Variants in CLPB observed in about 807,000 individuals in gnomAD.
CLPB encodes the protein mitochondrial disaggregase.
A neutral mutation model predicts 78.4 loss-of-function variants in CLPB; 40 were observed. That is an observed-to-expected ratio of 0.51 (90% CI 0.40 to 0.66). The LOEUF (loss-of-function observed/expected upper bound fraction) is 0.66, where lower values mean the gene tolerates loss of function less well. Among genes scored for constraint, CLPB ranks in the 30% least tolerant of loss-of-function variants. The pLI is 0.00. For missense variants in CLPB, 780 were observed against 886.9 expected (o/e 0.88, Z 1.53); for synonymous variants, 333 against 348.0 (o/e 0.96, Z 0.48).
At chr11:72,379,691 T>A (rs1226487431) in intron 4 of CLPB, among the ~76,000 whole-genome samples, 1 of 151,994 alleles carries the variant, frequency 6.6e-6, no homozygotes, top group East Asian at 1.9e-4. Context: ...AGGATAGACA[T>A]CAAAACACAG....
chr11:72,392,218 T>C (rs1590886859), intron 3 of CLPB, among the ~76,000 whole-genome samples: 2 of 151,922 alleles, frequency 1.3e-5, no homozygotes, highest in Admixed American at 6.6e-5. Flanking sequence ...ATCTGAAGCA[T>C]AGGATCACTG....
chr11:72,425,236 T>A (rs1856338059), intron 2 of CLPB, among the ~76,000 whole-genome samples: 1 of 152,256 alleles, frequency 6.6e-6, no homozygotes, highest in African/African-American at 2.4e-5. Flanking sequence ...TACAGTTGCA[T>A]AATTAGTTAT....
intron 3 of CLPB, among the ~76,000 whole-genome samples, chr11:72,381,553 C>G (rs559156721): frequency 1.3e-5 from 2 of 152,298 alleles, no homozygotes; most frequent in Non-Finnish European, 2.9e-5. Flanking sequence ...TCTCCAGGCC[C>G]ATCCTAGCGC....
At chr11:72,346,023 A>C (rs772778140) in intron 5 of CLPB, among the ~76,000 whole-genome samples, 41 of 147,150 alleles carry the variant, frequency 2.8e-4, no homozygotes, top group Non-Finnish European at 4.7e-4. Context: ...CTAAGGAAGA[A>C]GGACATATTA....
In CLPB at chr11:72,289,047, C is replaced by T. The variant is rs1031227239; in HGVS notation, c.*4320G>A. ...CTGAGACTACAGGCGCCCGCCACCA[C>T]GCCTGGCTAATTTTTGTATTTTTAG... On this transcript the variant is annotated 3_prime_UTR_variant, in exon 16 of 16. Transcript: ENST00000538039. The T allele has an allele frequency of 1.1e-4, 16 of 152,148 alleles. No homozygotes were observed. Among genetic ancestry groups the T allele is most frequent in the African/African-American group, 2.7e-4 (11 of 41,406 alleles). 9.4% of individuals were successfully genotyped at this position (152,148 alleles called of 1,614,324 possible).
At chr11:72,389,288 C>A (rs1408584684) in intron 3 of CLPB, among the ~76,000 whole-genome samples, 1 of 152,212 alleles carries the variant, frequency 6.6e-6, no homozygotes, top group African/African-American at 2.4e-5. Context: ...ATACAGAACA[C>A]AGAGTGAGCA....
chr11:72,300,567 C>T (rs1949637394), intron 11 of CLPB, among the ~76,000 whole-genome samples: 1 of 152,116 alleles, frequency 6.6e-6, no homozygotes, highest in Non-Finnish European at 1.5e-5. Context: ...ACGGAACGGG[C>T]AGGGGCAAGG....
chr11:72,372,854 A>G, intron 4 of CLPB: 1 of 1,342,032 alleles, frequency 7.5e-7, no homozygotes, highest in Non-Finnish European at 1.1e-6. Context: ...AGTAAAAGAG[A>G]TAGTCAGATG....
chr11:72,385,292 T>G (rs1215494297), intron 3 of CLPB, among the ~76,000 whole-genome samples: 2 of 152,228 alleles, frequency 1.3e-5, no homozygotes, highest in African/African-American at 4.8e-5. Flanking sequence ...CCCTTCTTCC[T>G]GCTATTTATG....
chr11:72,429,348 T>A (rs1856478003), intron 2 of CLPB, among the ~76,000 whole-genome samples: 1 of 152,106 alleles, frequency 6.6e-6, no homozygotes, highest in African/African-American at 2.4e-5. Flanking sequence ...ATGCTGCAGA[T>A]AAAATGAAAG....
At chr11:72,343,965 C>A (rs988465192) in intron 5 of CLPB, among the ~76,000 whole-genome samples, 11 of 152,152 alleles carry the variant, frequency 7.2e-5, no homozygotes, top group Non-Finnish European at 1.3e-4. Context: ...CTGAGCTGTG[C>A]TCCTTCCATT....
intron 3 of CLPB, among the ~76,000 whole-genome samples, chr11:72,395,996 C>T (rs1422389276): frequency 6.6e-6 from 1 of 152,126 alleles, no homozygotes; most frequent in Non-Finnish European, 1.5e-5. Context: ...CTTAGGCTAT[C>T]GGTTTTTTAA....
At chr11:72,315,543 C>T (rs1280098888) in intron 7 of CLPB, among the ~76,000 whole-genome samples, 3 of 152,338 alleles carry the variant, frequency 2.0e-5, no homozygotes, top group East Asian at 1.9e-4. Flanking sequence ...GGTAACTGTG[C>T]GCCAGCCTTG....
intron 4 of CLPB, among the ~76,000 whole-genome samples, chr11:72,375,425 G>T (rs1449905766): frequency 6.6e-6 from 1 of 152,098 alleles, no homozygotes; most frequent in African/African-American, 2.4e-5. Flanking sequence ...GCAGCAGATG[G>T]TTCCACCTGC....
Position 72,290,809 on chromosome 11 carries a change from T to C in CLPB, c.*2558A>G, listed in dbSNP as rs1257636670. On this transcript the variant is annotated 3_prime_UTR_variant, in exon 16 of 16. Coordinates refer to ENST00000538039, the MANE Select transcript of CLPB (RefSeq NM_001258392.3). ...AAATACAAAAATTAGCTGGGTGTGG[T>C]GGTGGGCACCTGCAATCCCAGCTAC... The C allele has an allele frequency of 1.3e-5, 2 of 152,086 alleles. No homozygotes were observed. The highest frequency in any genetic ancestry group is 2.9e-5 in the Non-Finnish European group (2 of 68,036). The allele number at this position is 152,086 out of a possible 1,614,324, so 9.4% of individuals were successfully genotyped here. A position where few individuals can be genotyped will look rare whatever the true frequency, so the allele number is the denominator to read the frequency against.
At chr11:72,345,538 A>G (rs1950496970) in intron 5 of CLPB, among the ~76,000 whole-genome samples, 1 of 152,268 alleles carries the variant, frequency 6.6e-6, no homozygotes. Context: ...CTAATTATTT[A>G]CAAGGGGTCA....
intron 2 of CLPB, among the ~76,000 whole-genome samples, chr11:72,421,854 A>G (rs1342165710): frequency 1.3e-5 from 2 of 152,172 alleles, no homozygotes; most frequent in African/African-American, 4.8e-5. Context: ...TACCCCAGAA[A>G]AGAAGCCAGG....
chr11:72,388,066 C>A (rs907308885), intron 3 of CLPB, among the ~76,000 whole-genome samples: 3 of 151,992 alleles, frequency 2.0e-5, no homozygotes, highest in African/African-American at 7.3e-5. Context: ...CGTATGTTGC[C>A]CTTGGTCCCA....
intron 4 of CLPB, among the ~76,000 whole-genome samples, chr11:72,376,287 A>C (rs575046112): frequency 6.6e-6 from 1 of 152,334 alleles, no homozygotes; most frequent in South Asian, 2.1e-4. Flanking sequence ...TGCCTTGCAT[A>C]CAATTGGCAG....
Sources: gnomAD v4.1 joint callset for allele counts (sites outside exome capture counted in the v4.1 genomes callset) on GRCh38, gnomAD v4.1.1 for gene constraint, MANE v1.5 for transcripts, NCBI Gene and HGNC (gene_info 2026-07-23, HGNC 2026-07-21) for gene names.